The following IDE variants were observed in gnomAD, a reference collection of about 807,000 sequenced individuals.
IDE encodes insulin-degrading enzyme.
In IDE, 58 loss-of-function variants were observed where a neutral mutation model predicts 133.2. The observed-to-expected ratio is 0.44, with a 90% CI of 0.35 to 0.54. The LOEUF is 0.54. Among genes scored for constraint, IDE ranks in the 20% least tolerant of loss-of-function variants. IDE has a pLI of 0.00. For missense variants in IDE, 981 were observed against 1,234.0 expected (o/e 0.79, Z 3.07); for synonymous variants, 396 against 421.3 (o/e 0.94, Z 0.73).
At chr10:92,500,045 C>T (rs892698580) in intron 11 of IDE, among the ~76,000 whole-genome samples, 2 of 152,090 alleles carry the variant, frequency 1.3e-5, no homozygotes, top group Non-Finnish European at 2.9e-5. Flanking sequence ...TGCCTGTAAT[C>T]CCAGCACTTT....
At chr10:92,487,515 A>T (rs1419534714) in intron 12 of IDE, among the ~76,000 whole-genome samples, 197 bp from the exon 13 acceptor site, 2 of 152,194 alleles carry the variant, frequency 1.3e-5, no homozygotes, top group Non-Finnish European at 2.9e-5. Flanking sequence ...TAGTACTAGC[A>T]AAGATTTTGC....
chr10:92,458,879 G>A (rs1269301029), intron 22 of IDE, among the ~76,000 whole-genome samples: 1 of 151,986 alleles, frequency 6.6e-6, no homozygotes, highest in East Asian at 1.9e-4. Flanking sequence ...CGATCTTCCT[G>A]TCTCAGCCTC....
At chr10:92,469,470 C>G (rs1481690557) in intron 18 of IDE, among the ~76,000 whole-genome samples, 1 of 151,842 alleles carries the variant, frequency 6.6e-6, no homozygotes, top group African/African-American at 2.4e-5. Context: ...GTTCTGTTAC[C>G]CAGGCTGGAG....
chr10:92,558,877 G>A (rs1454884225), intron 1 of IDE: 1 of 151,010 alleles, frequency 6.6e-6, no homozygotes, highest in Admixed American at 6.6e-5. Flanking sequence ...TTACAGGCAT[G>A]AGCCAACACG....
At chr10:92,528,004 G>A (rs1286192502) in intron 4 of IDE, among the ~76,000 whole-genome samples, 1 of 152,124 alleles carries the variant, frequency 6.6e-6, no homozygotes, top group Non-Finnish European at 1.5e-5. Context: ...CAATTTTAGT[G>A]TGTTTGTCTT....
intron 1 of IDE, among the ~76,000 whole-genome samples, chr10:92,563,035 G>GAA (rs1724314846): frequency 6.6e-6 from 1 of 152,326 alleles, no homozygotes; most frequent in African/African-American, 2.4e-5. Context: ...CAGATCAACT[G>GAA]AAGTCAGGCG....
intron 1 of IDE, among the ~76,000 whole-genome samples, chr10:92,551,904 G>A (rs535911043): frequency 2.0e-3 from 309 of 152,230 alleles, no homozygotes; most frequent in Middle Eastern, 6.8e-3. Context: ...GGAAAGCCAA[G>A]GTAGGAAGAT....
intron 6 of IDE, 111 bp downstream of exon 6, chr10:92,509,939 A>AC (rs1491577199): frequency 1.2e-4 from 68 of 548,258 alleles, no homozygotes; most frequent in East Asian, 6.0e-5. Flanking sequence ...AAAAAAAAAA[A>AC]CACAACATAA....
At chr10:92,564,060 C>T (rs1843406592) in intron 1 of IDE, among the ~76,000 whole-genome samples, 1 of 152,060 alleles carries the variant, frequency 6.6e-6, no homozygotes, top group Non-Finnish European at 1.5e-5. Context: ...ACACTAGGAC[C>T]CAGATCTATA....
chr10:92,471,079 T>C (rs1276592138), intron 17 of IDE, among the ~76,000 whole-genome samples: 2 of 152,230 alleles, frequency 1.3e-5, no homozygotes, highest in Non-Finnish European at 2.9e-5. Context: ...ATTATACAAA[T>C]ATTTTCTTTT....
chr10:92,465,339 C>T (rs1400398455), intron 20 of IDE, among the ~76,000 whole-genome samples: 1 of 152,184 alleles, frequency 6.6e-6, no homozygotes, highest in Admixed American at 6.5e-5. Flanking sequence ...CCTCAAGGAA[C>T]TCAGGCTTTA....
At chr10:92,549,324 CTGATTT>C (rs1238665074) in intron 1 of IDE, among the ~76,000 whole-genome samples, 2 of 152,022 alleles carry the variant, frequency 1.3e-5, no homozygotes, top group African/African-American at 4.8e-5. Flanking sequence ...GCTTATAGTT[CTGATTT>C]TATTACCCCC....
At chr10:92,476,093 G>C in intron 15 of IDE, 99 bp from the exon 16 acceptor site, 6 of 625,466 alleles carry the variant, frequency 9.6e-6, no homozygotes, top group African/African-American at 1.9e-5. Flanking sequence ...TCCCAAAACA[G>C]ACATGTAAAA....
intron 3 of IDE, among the ~76,000 whole-genome samples, chr10:92,532,153 A>G (rs1849963695): frequency 6.6e-6 from 1 of 152,236 alleles, no homozygotes; most frequent in South Asian, 2.1e-4. Flanking sequence ...GATGATAAAC[A>G]GTGAAAATTT....
At chr10:92,458,751 C>T (rs577701831) in intron 22 of IDE, among the ~76,000 whole-genome samples, 3 of 152,124 alleles carry the variant, frequency 2.0e-5, no homozygotes, top group African/African-American at 7.2e-5. Context: ...CTGCCCACCT[C>T]GGCCTCCCAA....
chr10:92,545,209 A>G (rs902685565), intron 1 of IDE, among the ~76,000 whole-genome samples: 10 of 152,126 alleles, frequency 6.6e-5, no homozygotes, highest in African/African-American at 2.4e-4. Flanking sequence ...TGCCACTAAC[A>G]CTTCTTCTAT....
chr10:92,550,380 T>C (rs1842723601), intron 1 of IDE, among the ~76,000 whole-genome samples: 1 of 152,048 alleles, frequency 6.6e-6, no homozygotes, highest in Non-Finnish European at 1.5e-5. Flanking sequence ...AAATGGCCAA[T>C]AAGCATATAA....
chr10:92,520,761 T>C (rs1849181894), intron 4 of IDE, among the ~76,000 whole-genome samples: 1 of 152,174 alleles, frequency 6.6e-6, no homozygotes, highest in African/African-American at 2.4e-5. Flanking sequence ...AAGGGGACTT[T>C]AAGTGAAAAC....
intron 11 of IDE, among the ~76,000 whole-genome samples, chr10:92,498,891 C>G (rs1847865415): frequency 6.6e-6 from 1 of 152,190 alleles, no homozygotes; most frequent in Non-Finnish European, 1.5e-5. Context: ...AAATCTATAG[C>G]TCTTTCTCCT....
Sources: gnomAD v4.1 joint callset for allele counts (sites outside exome capture counted in the v4.1 genomes callset) on GRCh38, gnomAD v4.1.1 for gene constraint, MANE v1.5 for transcripts, NCBI Gene and HGNC (gene_info 2026-07-23, HGNC 2026-07-21) for gene names.